The following CEP112 variants were observed in gnomAD, a reference collection of about 807,000 sequenced individuals.
The protein encoded by CEP112 is centrosomal protein of 112 kDa.
In CEP112, 127 loss-of-function variants were observed where a neutral mutation model predicts 153.0. The ratio of observed to expected loss-of-function variants is 0.83; its 90% CI spans 0.72 to 0.96. CEP112 has a LOEUF of 0.96. CEP112 is among the 40% of genes least tolerant of loss of function. The pLI is 0.00. For missense variants in CEP112, 1,089 were observed against 1,101.2 expected (o/e 0.99, Z 0.16); for synonymous variants, 358 against 374.4 (o/e 0.96, Z 0.51).
At chr17:65,970,385 A>G (rs28623193) in intron 17 of CEP112, among the ~76,000 whole-genome samples, 4,783 of 15,624 alleles carry the variant, frequency 0.31, 262 homozygotes, top group South Asian at 0.5. Flanking sequence ...CATCATGCAT[A>G]TATATTACAT....
intron 8 of CEP112, among the ~76,000 whole-genome samples, chr17:66,077,702 G>A (rs1380600015): frequency 6.6e-6 from 1 of 152,116 alleles, no homozygotes; most frequent in Non-Finnish European, 1.5e-5. Flanking sequence ...AATACAAGAA[G>A]CACAAAGAAC....
intron 24 of CEP112, among the ~76,000 whole-genome samples, chr17:65,677,799 G>C (rs751465945): frequency 6.6e-6 from 1 of 152,082 alleles, no homozygotes; most frequent in Non-Finnish European, 1.5e-5. Context: ...TGTAATCTCA[G>C]CTACTCAGGA....
At chr17:66,177,042 T>G in intron 2 of CEP112, 22 bp from the exon 3 acceptor site, 1 of 1,558,760 alleles carries the variant, frequency 6.4e-7, no homozygotes, top group South Asian at 1.2e-5. Flanking sequence ...GAAGAACTAT[T>G]AGAAATTTTA....
chr17:65,779,375 C>G (rs2053875646), intron 21 of CEP112, among the ~76,000 whole-genome samples: 1 of 152,144 alleles, frequency 6.6e-6, no homozygotes, highest in Non-Finnish European at 1.5e-5. Flanking sequence ...AGTGAGCAAA[C>G]ATTTGTGTAC....
chr17:65,834,659 CCA>C (rs761166605), intron 21 of CEP112, among the ~76,000 whole-genome samples: 1 of 152,242 alleles, frequency 6.6e-6, no homozygotes, highest in East Asian at 1.9e-4. Context: ...CCATCTCACA[CCA>C]GTCAGAATGG....
At chr17:65,921,446 G>C (rs2060724920) in intron 19 of CEP112, among the ~76,000 whole-genome samples, 1 of 150,994 alleles carries the variant, frequency 6.6e-6, no homozygotes, top group Non-Finnish European at 1.5e-5. Context: ...AAAAAAAAAA[G>C]CTAACTAAAA....
chr17:65,697,879 G>A (rs1241750615), intron 23 of CEP112, among the ~76,000 whole-genome samples: 4 of 152,126 alleles, frequency 2.6e-5, no homozygotes, highest in Non-Finnish European at 5.9e-5. Context: ...TGGAAAACAG[G>A]TTATGCTGCA....
chr17:65,967,463 C>A (rs1309833593), intron 17 of CEP112, among the ~76,000 whole-genome samples: 1 of 152,148 alleles, frequency 6.6e-6, no homozygotes, highest in African/African-American at 2.4e-5. Flanking sequence ...CATTCAAATA[C>A]TATAGAAAAC....
intron 16 of CEP112, among the ~76,000 whole-genome samples, chr17:66,007,871 T>C (rs934383913): frequency 6.6e-6 from 1 of 152,186 alleles, no homozygotes; most frequent in African/African-American, 2.4e-5. Flanking sequence ...CTCTCGCAAG[T>C]TGAATTTGGC....
intron 23 of CEP112, among the ~76,000 whole-genome samples, chr17:65,734,502 C>G (rs986201505): frequency 6.6e-6 from 1 of 152,056 alleles, no homozygotes; most frequent in Non-Finnish European, 1.5e-5. Flanking sequence ...ACATTTTACT[C>G]ATTAAAATAG....
chr17:65,666,505 T>C (rs866860777), intron 24 of CEP112, among the ~76,000 whole-genome samples: 5 of 152,146 alleles, frequency 3.3e-5, no homozygotes, highest in African/African-American at 1.2e-4. Flanking sequence ...CCAGAGAAAA[T>C]AACTTTACAC....
intron 24 of CEP112, among the ~76,000 whole-genome samples, chr17:65,687,665 C>T (rs2047884307): frequency 6.6e-6 from 1 of 152,090 alleles, no homozygotes; most frequent in Non-Finnish European, 1.5e-5. Context: ...GAAGGCAAGT[C>T]AATTCAGTAA....
At chr17:66,160,353 A>C (rs1428380286) in intron 4 of CEP112, among the ~76,000 whole-genome samples, 1 of 152,236 alleles carries the variant, frequency 6.6e-6, no homozygotes, top group East Asian at 1.9e-4. Context: ...TTTAAATTTC[A>C]TATGGAACCA....
At chr17:66,041,247 A>C (rs1187694811) in intron 12 of CEP112, among the ~76,000 whole-genome samples, 1 of 108,060 alleles carries the variant, frequency 9.3e-6, no homozygotes, top group African/African-American at 3.8e-5. Flanking sequence ...GCCATCACCA[A>C]AATAAGTATT....
In CEP112 at chr17:65,941,253, A is replaced by C. The variant is rs118068964; in HGVS notation, c.1873-13564T>G. On this transcript the variant is annotated intron_variant, in intron 18 of 26. Transcript: ENST00000535342. ...TTAAAAATAAATAATAAACATTAAA[A>C]TATTTAAAATGTTAAACATTTAAGT... 1.3e-3 allele frequency among the ~76,000 whole-genome samples: 191 copies of C among 152,194 alleles called. 2 individuals carry two copies. In the East Asian group the frequency reaches 0.033, roughly 26 times the overall value.
intron 11 of CEP112, 59 bp from the exon 12 acceptor site, chr17:66,053,938 T>A: frequency 6.8e-7 from 1 of 1,459,888 alleles, no homozygotes; most frequent in Non-Finnish European, 9.3e-7. Context: ...TATTTTGTAA[T>A]TCAGCGGAAA....
intron 18 of CEP112, among the ~76,000 whole-genome samples, chr17:65,935,374 C>T (rs2061270056): frequency 6.6e-6 from 1 of 152,128 alleles, no homozygotes; most frequent in African/African-American, 2.4e-5. Context: ...CCACATAGAA[C>T]ATCAATAAGG....
chr17:65,688,070 G>T (rs1240747370), intron 24 of CEP112, among the ~76,000 whole-genome samples: 1 of 152,174 alleles, frequency 6.6e-6, no homozygotes, highest in Non-Finnish European at 1.5e-5. Flanking sequence ...ACCACTAAGT[G>T]TAATTTATTA....
intron 21 of CEP112, among the ~76,000 whole-genome samples, chr17:65,815,765 T>C (rs1476530547): frequency 6.6e-6 from 1 of 152,134 alleles, no homozygotes; most frequent in Non-Finnish European, 1.5e-5. Context: ...AATGGCTGAT[T>C]TTAAAAAATT....
Sources: gnomAD v4.1 joint callset for allele counts (sites outside exome capture counted in the v4.1 genomes callset) on GRCh38, gnomAD v4.1.1 for gene constraint, MANE v1.5 for transcripts, NCBI Gene and HGNC (gene_info 2026-07-23, HGNC 2026-07-21) for gene names.